The following LILRB4 variants were observed in gnomAD, a reference collection of about 807,000 sequenced individuals.
LILRB4 encodes the protein leukocyte immunoglobulin like receptor B4.
In LILRB4, 49 loss-of-function variants were observed where a neutral mutation model predicts 55.2. The observed-to-expected ratio is 0.89, with a 90% confidence interval of 0.71 to 1.13. The LOEUF is 1.13. LILRB4 is among the 50% of genes most tolerant of loss of function. The probability of loss-of-function intolerance (pLI) is 0.00; values close to 1 mark genes in which losing one functional copy is unlikely to be tolerated. For missense variants in LILRB4, 590 were observed against 555.2 expected (o/e 1.06, Z -0.63); for synonymous variants, 229 against 213.8 (o/e 1.07, Z -0.62).
In LILRB4 at chr19:54,665,754, ACACACAGTAGGTGTG is replaced by A; in HGVS notation, c.758-56_758-42del. 13 of 1,547,076 alleles carry A rather than the reference ACACACAGTAGGTGTG, an allele frequency of 8.4e-6. No homozygotes were observed. Among genetic ancestry groups the A allele is most frequent in the Non-Finnish European group, 1.1e-5 (13 of 1,141,320 alleles). ...AAGACCCAGCACACACAGTAGGTGCACACACAGTAGGTGTGCACATCAATGACATCATCCCCATTC... is the reference window on the plus strand; with the variant it reads ...AAGACCCAGCACACACAGTAGGTGCACACATCAATGACATCATCCCCATTC... On this transcript the variant is annotated intron_variant, in intron 6 of 11. Transcript: ENST00000430952. The surrounding 1 kb of genome is among the most constrained non-coding windows in gnomAD (Gnocchi z 5.5).
intron 1 of LILRB4, 89 bp from the exon 2 acceptor site, chr19:54,663,443 C>CAAAAAAAAAAAAAAAAAAAAAAAAAAAAA: frequency 3.2e-6 from 3 of 951,658 alleles, no homozygotes. Context: ...GACTCCGTCT[C>CAAAAAAAAAAAAAAAAAAAAAAAAAAAAA]AAAAAAAAAA....
rs1466483065 is a variant in LILRB4 at position 54,664,689 on chromosome 19, G to A, written c.656-110G>A. 5 of 1,062,248 alleles carry A rather than the reference G, an allele frequency of 4.7e-6. No individual in the cohort carries two copies. The African/African-American group carries it at 7.9e-5, about 17-fold the overall frequency. 65.8% of individuals were successfully genotyped at this position (1,062,248 alleles called of 1,614,324 possible). On this transcript the variant is annotated intron_variant, in intron 4 of 11. Transcript: ENST00000430952. ...GGGTCCAGAAGGTGCCAGGTGGACA[G>A]AGAAATGGTCCTTGGGAAGCTGCAG...
At position 54,666,748 on chromosome 19, in the gene LILRB4, G is replaced by C. The variant is rs200721611; in HGVS notation, c.1040G>C (p.Arg347Pro). Residue 347 changes from arginine to proline, a missense_variant and splice_region_variant, in exon 10 of 12, where the codon CGG becomes CCG. Physicochemically the swap from Arg to Pro is moderately radical, Grantham distance 103 (BLOSUM62 -2). Transcript: ENST00000430952. This position sits in a 1 kb window ranked among gnomAD's most constrained non-coding sequence, Gnocchi z 4.8. ...GAGGACGGGGTGGAAATGGACACTC[G>C]GGTGAGAACCCGCCCCTGTCCCCGG... 3 of 1,613,938 alleles carry C rather than the reference G, an allele frequency of 1.9e-6. No individual in the cohort carries two copies. Among genetic ancestry groups the C allele is most frequent in the Non-Finnish European group, 2.5e-6 (3 of 1,179,948 alleles).
intron 2 of LILRB4, 73 bp from the exon 3 acceptor site, chr19:54,663,681 G>A (rs1337895707): frequency 1.2e-6 from 2 of 1,608,260 alleles, no homozygotes; most frequent in Non-Finnish European, 1.7e-6. Flanking sequence ...GATGACGGGG[G>A]GGTCCTGGGG....
rs868675011 is a variant in LILRB4 at position 54,665,674 on chromosome 19, G to T, written c.758-141G>T. The T allele has an allele frequency of 8.7e-6, 9 of 1,039,828 alleles. No homozygotes were observed. Among genetic ancestry groups the T allele is most frequent in the Middle Eastern group, 2.0e-4 (1 of 4,992 alleles). 64.4% of individuals were successfully genotyped at this position (1,039,828 alleles called of 1,614,324 possible). On this transcript the variant is annotated intron_variant, in intron 6 of 11. Transcript: ENST00000430952. This position sits in a 1 kb window ranked among gnomAD's most constrained non-coding sequence, Gnocchi z 5.5. ...TGTGCATCTGTGAAATGGGTGGAGA[G>T]AGGGTGGCAATCTCAGGTTGCACAA...
At position 54,666,077 on chromosome 19, in the gene LILRB4, G is replaced by A. The variant is rs571715466; in HGVS notation, c.874+146G>A. On this transcript the variant is annotated intron_variant, in intron 7 of 11. Transcript: ENST00000430952. This position sits in a 1 kb window ranked among gnomAD's most constrained non-coding sequence, Gnocchi z 4.8. ...AATCTAGAAAGAAGAAAATGAATGA[G>A]GGAGTAATGGAAGTGCTTTATTCTT... is the stretch of plus-strand genomic sequence containing the variant. 1.6e-4 allele frequency: 203 copies of A among 1,263,802 alleles called. No individual in the cohort carries two copies. The South Asian group carries it at 2.7e-3, about 17-fold the overall frequency. The allele number at this position is 1,263,802 out of a possible 1,614,324, so 78.3% of individuals were successfully genotyped here.
Position 54,664,486 on chromosome 19 carries a change from G to A in LILRB4, c.655+1G>A. 1.9e-6 allele frequency: 3 copies of A among 1,596,238 alleles called. No homozygotes were observed. The highest frequency in any genetic ancestry group is 2.6e-6 in the Non-Finnish European group (3 of 1,170,750). ...GACCCCCTGGAGCTCATAGTCTCAG[G>A]TGAGGCTCCTGACCCTGTCCTCTCT... is the stretch of plus-strand genomic sequence containing the variant. On this transcript the variant is annotated splice_donor_variant, in intron 4 of 11. Transcript: ENST00000430952. LOFTEE classifies it high-confidence loss of function.
At chr19:54,663,788 A>G in exon 3 of LILRB4, 1 of 1,614,094 alleles carries the variant, frequency 6.2e-7, no homozygotes, top group Non-Finnish European at 8.5e-7. Context: ...GGGCTGAGCC[A>G]GGCTCTGTGA....
Position 54,665,113 on chromosome 19 carries a change from T to C in LILRB4, c.707-17T>C. On this transcript the variant is annotated splice_polypyrimidine_tract_variant and intron_variant, in intron 5 of 11. Transcript: ENST00000430952. This position sits in a 1 kb window ranked among gnomAD's most constrained non-coding sequence, Gnocchi z 5.5. The stretch of plus-strand genomic sequence containing the variant: ...GAGCAGGGCAGCCCCAGCCCTCACA[T>C]CCCTGTTCTAACCCAGCAGGCCCTG... 2.5e-6 allele frequency: 4 copies of C among 1,609,688 alleles called. No homozygotes were observed. The highest frequency in any genetic ancestry group is 3.4e-6 in the Non-Finnish European group (4 of 1,177,782).
At position 54,667,482 on chromosome 19, in the gene LILRB4, G is replaced by A. The variant is rs192288566; in HGVS notation, c.1042-156G>A. The A allele has an allele frequency of 3.6e-6, 5 of 1,408,434 alleles. No individual in the cohort carries two copies. The Admixed American group carries it at 7.8e-5, about 22-fold the overall frequency. The allele number at this position is 1,408,434 out of a possible 1,614,324, so 87.2% of individuals were successfully genotyped here. ...TGAGGAGCAGAGACCAGAACCACAGGGAGGGAGCGGCCAGACCCTCCACGG... is the reference window on the plus strand; with the variant it reads ...TGAGGAGCAGAGACCAGAACCACAGAGAGGGAGCGGCCAGACCCTCCACGG... On this transcript the variant is annotated intron_variant, in intron 10 of 11. Coordinates refer to ENST00000430952, the Ensembl canonical transcript of LILRB4.
At position 54,666,757 on chromosome 19, in the gene LILRB4, C is replaced by G; in HGVS notation, c.1041+8C>G. ...GTGGAAATGGACACTCGGGTGAGAA[C>G]CCGCCCCTGTCCCCGGCACCAAAGG... On this transcript the variant is annotated splice_region_variant and intron_variant, in intron 10 of 11. Transcript: ENST00000430952. The surrounding 1 kb of genome is among the most constrained non-coding windows in gnomAD (Gnocchi z 4.8). 2.5e-6 allele frequency: 4 copies of G among 1,613,892 alleles called. No homozygotes were observed. Among genetic ancestry groups the G allele is most frequent in the Non-Finnish European group, 3.4e-6 (4 of 1,179,814 alleles).
chr19:54,668,153 C>G, exon 12 of LILRB4: 1 of 974,464 alleles, frequency 1.0e-6, no homozygotes, highest in Non-Finnish European at 1.5e-6. Context: ...ATTCCGGGAA[C>G]GTTGGGAGTC....
rs2065284015 is a variant in LILRB4 at position 54,666,716 on chromosome 19, A to G, written c.1008A>G (p.Thr336=). 6.2e-7 allele frequency: 1 copy of G among 1,614,076 alleles called. No homozygotes were observed. Residue 336 remains threonine, a synonymous_variant, in exon 10 of 12, where the codon ACA becomes ACG. Transcript: ENST00000430952. The surrounding 1 kb of genome is among the most constrained non-coding windows in gnomAD (Gnocchi z 4.8). ...CAGCAGGTGCTGCCGTGAAGAACAC[A>G]CAGCCTGAGGACGGGGTGGAAATGG...
rs759261488 is a variant in LILRB4 at position 54,663,039 on chromosome 19, C to G, written c.6C>G (p.Ile2Met). Residue 2 changes from isoleucine to methionine, a missense_variant, in exon 1 of 12, where the codon ATC (isoleucine) becomes ATG (methionine). Ile to Met is a conservative substitution (Grantham distance 10). Transcript: ENST00000430952. Reference sequence around the variant, plus strand: ...GGCCCCTGGGAGGAGACGCCATGATCCCCACCTTCACGGCTCTGCTCTGCC... The same window carrying G: ...GGCCCCTGGGAGGAGACGCCATGATGCCCACCTTCACGGCTCTGCTCTGCC... 6.8e-6 allele frequency: 11 copies of G among 1,614,010 alleles called. No individual in the cohort carries two copies. The South Asian group carries it at 1.1e-4, about 16-fold the overall frequency.
At chr19:54,664,576 G>A in intron 4 of LILRB4, 91 bp downstream of exon 4, 1 of 1,379,496 alleles carries the variant, frequency 7.2e-7, no homozygotes, top group South Asian at 1.4e-5. Flanking sequence ...GAGGGAGAGG[G>A]GCTCAGCCAG....
At chr19:54,664,836 C>T (rs754810930) in exon 5 of LILRB4, 61 of 1,610,864 alleles carry the variant, frequency 3.8e-5, no homozygotes, top group East Asian at 4.5e-5. Context: ...CCACAAGGTC[C>T]GTCTCAACAG....
rs190896728 is a variant in LILRB4, at chr19:54,663,215, G to A, written c.34+148G>A. ...TAATCCCAGCACTTTGGGAGGCCGAGGCGGGCGGATCACGAGGTCAGGAGA... is the reference window on the plus strand; with the variant it reads ...TAATCCCAGCACTTTGGGAGGCCGAAGCGGGCGGATCACGAGGTCAGGAGA... On this transcript the variant is annotated intron_variant, in intron 1 of 11. Coordinates refer to ENST00000430952, the Ensembl canonical transcript of LILRB4. 1,879 of 921,072 alleles carry A rather than the reference G, an allele frequency of 2.0e-3. 20 individuals carry two copies. The African/African-American group carries it at 0.021, about 10-fold the overall frequency. 57.1% of individuals were successfully genotyped at this position (921,072 alleles called of 1,614,324 possible).
At chr19:54,667,234 C>A (rs1285971241) in intron 10 of LILRB4, 6 of 570,344 alleles carry the variant, frequency 1.1e-5, no homozygotes, top group Non-Finnish European at 2.0e-5. Flanking sequence ...GAACATAAAC[C>A]AGGTAAAGGG....
chr19:54,666,609 C>T lies in LILRB4; in HGVS notation c.989-88C>T, dbSNP rs2146407083. On this transcript the variant is annotated intron_variant, in intron 9 of 11. Transcript: ENST00000430952. The surrounding 1 kb of genome is among the most constrained non-coding windows in gnomAD (Gnocchi z 4.8). ...ACAGCCCCTCCCTGCGTTGCAGTGG[C>T]ACTAATGGGAACAGGGCAGGGACCA... 6.8e-7 allele frequency: 1 copy of T among 1,476,860 alleles called. No individual in the cohort carries two copies. Among genetic ancestry groups the T allele is most frequent in the Non-Finnish European group, 9.4e-7 (1 of 1,066,072 alleles). The allele number at this position is 1,476,860 out of a possible 1,614,324, so 91.5% of individuals were successfully genotyped here.
Sources: allele counts gnomAD v4.1 joint callset, GRCh38; gene constraint gnomAD v4.1.1; non-coding constraint Gnocchi (gnomAD v3.1); transcripts MANE v1.5; gene names NCBI Gene and HGNC (gene_info 2026-07-23, HGNC 2026-07-21).